The following ANXA4 variants were observed in gnomAD, a reference collection of about 807,000 sequenced individuals.
ANXA4 encodes annexin A4.
Under a neutral mutation model 49.8 loss-of-function variants are expected in ANXA4, and 39 were observed. That is an observed-to-expected ratio of 0.78 (90% CI 0.61 to 1.02). The LOEUF is 1.02. Ranked by LOEUF, ANXA4 falls within the 50% of genes least tolerant of loss-of-function variation. The pLI, the probability that ANXA4 is intolerant of heterozygous loss-of-function variation, is 0.00. For missense variants in ANXA4, 360 were observed against 410.1 expected (o/e 0.88, Z 1.05); for synonymous variants, 134 against 152.5 (o/e 0.88, Z 0.89).
intron 2 of ANXA4, among the ~76,000 whole-genome samples, chr2:69,707,865 C>A (rs1346339760): frequency 6.6e-6 from 1 of 152,184 alleles, no homozygotes; most frequent in Non-Finnish European, 1.5e-5. Context: ...ATCCCCACTA[C>A]CCACAGCCAC....
At chr2:69,820,640 G>C (rs1674195145) in intron 11 of ANXA4, 59 bp from the exon 12 acceptor site, 2 of 1,599,024 alleles carry the variant, frequency 1.3e-6, no homozygotes, top group East Asian at 2.2e-5. Flanking sequence ...ATAGACTAAA[G>C]AAGACACTGA....
At chr2:69,796,276 G>T (rs1362424875) in intron 3 of ANXA4, among the ~76,000 whole-genome samples, 1 of 152,186 alleles carries the variant, frequency 6.6e-6, no homozygotes, top group African/African-American at 2.4e-5. Context: ...GATGCTTCCT[G>T]AGGATCCTGG....
At chr2:69,782,185 A>G (rs1055483229) in intron 2 of ANXA4, among the ~76,000 whole-genome samples, 2 of 152,168 alleles carry the variant, frequency 1.3e-5, no homozygotes, top group African/African-American at 4.8e-5. Context: ...CTCTTGCCCA[A>G]ATACGGTTTC....
intron 2 of ANXA4, among the ~76,000 whole-genome samples, chr2:69,783,242 G>A (rs958493640): frequency 6.6e-6 from 1 of 151,762 alleles, no homozygotes; most frequent in African/African-American, 2.4e-5. Flanking sequence ...TTTTGAGACA[G>A]AGTCTCAATC....
intron 1 of ANXA4, among the ~76,000 whole-genome samples, chr2:69,780,652 G>A (rs1672158269): frequency 6.6e-6 from 1 of 152,184 alleles, no homozygotes; most frequent in Non-Finnish European, 1.5e-5. Context: ...TGAGGCAGGA[G>A]GATCGCTTGA....
At chr2:69,797,847 G>A (rs1366121110) in intron 3 of ANXA4, among the ~76,000 whole-genome samples, 1 of 152,214 alleles carries the variant, frequency 6.6e-6, no homozygotes, top group African/African-American at 2.4e-5. Flanking sequence ...GTAAAAGGGA[G>A]GAGAACTGAA....
chr2:69,651,691 A>T (rs1479427837), intron 1 of ANXA4, among the ~76,000 whole-genome samples: 1 of 151,418 alleles, frequency 6.6e-6, no homozygotes, highest in Non-Finnish European at 1.5e-5. Context: ...TTTAGTAGAG[A>T]CAGCGTTTCA....
At chr2:69,767,308 A>G (rs1671532720) in intron 1 of ANXA4, among the ~76,000 whole-genome samples, 1 of 152,260 alleles carries the variant, frequency 6.6e-6, no homozygotes, top group Non-Finnish European at 1.5e-5. Flanking sequence ...AGATGGGGTC[A>G]TTATATCTAA....
intron 2 of ANXA4, among the ~76,000 whole-genome samples, chr2:69,655,369 A>G (rs1049575571): frequency 6.6e-6 from 1 of 152,250 alleles, no homozygotes; most frequent in African/African-American, 2.4e-5. Context: ...TGAGCAAAGG[A>G]TATGAACAGA....
At chr2:69,707,199 T>C (rs1423940429) in intron 2 of ANXA4, among the ~76,000 whole-genome samples, 1 of 152,198 alleles carries the variant, frequency 6.6e-6, no homozygotes, top group African/African-American at 2.4e-5. Context: ...TCCTTAAATG[T>C]CTGATAGACC....
intron 1 of ANXA4, among the ~76,000 whole-genome samples, chr2:69,747,206 CA>C (rs1230771681): frequency 6.6e-6 from 1 of 152,102 alleles, no homozygotes; most frequent in Non-Finnish European, 1.5e-5. Flanking sequence ...TTTAGGCACT[CA>C]CCTCCCCGCC....
upstream of ANXA4, chr2:69,643,951 G>A (rs1675885756): frequency 9.3e-7 from 1 of 1,070,090 alleles, no homozygotes; most frequent in Non-Finnish European, 1.1e-6. Flanking sequence ...TTCTGGAAAA[G>A]ACTGTTGATA....
At chr2:69,792,751 T>C (rs1460341969) in intron 3 of ANXA4, among the ~76,000 whole-genome samples, 1 of 152,238 alleles carries the variant, frequency 6.6e-6, no homozygotes, top group Non-Finnish European at 1.5e-5. Context: ...TAATTCCATG[T>C]TCAGTAGTTT....
intron 2 of ANXA4, among the ~76,000 whole-genome samples, chr2:69,710,290 C>T (rs1247110239): frequency 6.6e-6 from 1 of 152,088 alleles, no homozygotes; most frequent in Admixed American, 6.6e-5. Context: ...CGGCCCACTT[C>T]CAGGCTTTTT....
chr2:69,668,437 C>A (rs995315670), intron 2 of ANXA4, among the ~76,000 whole-genome samples: 3 of 152,008 alleles, frequency 2.0e-5, no homozygotes, highest in African/African-American at 2.4e-5. Context: ...CATAGTGAGA[C>A]CCTGTCTCTA....
Position 69,759,824 on chromosome 2 carries a change from A to G in ANXA4, c.-47+17649A>G, listed in dbSNP as rs115661087. On this transcript the variant is annotated intron_variant, in intron 1 of 12. Transcript: ENST00000394295. Reference sequence around the variant, plus strand: ...AATAAAGATTAATATTAAAAAGACAATTAGTATTTTGTTTTATCTTTTTTT... The same window carrying G: ...AATAAAGATTAATATTAAAAAGACAGTTAGTATTTTGTTTTATCTTTTTTT... Among the ~76,000 whole-genome samples, 1,074 of 152,244 alleles carry G rather than the reference A, an allele frequency of 7.1e-3. 5 individuals are homozygous for G. Among genetic ancestry groups the G allele is most frequent in the Non-Finnish European group, 0.012 (821 of 68,018 alleles).
intron 2 of ANXA4, among the ~76,000 whole-genome samples, chr2:69,705,947 A>G (rs1477995873): frequency 6.6e-6 from 1 of 152,056 alleles, no homozygotes; most frequent in Non-Finnish European, 1.5e-5. Context: ...ACAAAACAAA[A>G]CAAAGCACAT....
At chr2:69,674,236 T>G (rs952197189) in intron 2 of ANXA4, 2 of 152,224 alleles carry the variant, frequency 1.3e-5, no homozygotes, top group Non-Finnish European at 2.9e-5. Flanking sequence ...CTGGCCCGTT[T>G]GCAGGAAGCT....
chr2:69,751,868 G>A (rs1168713361), intron 1 of ANXA4, among the ~76,000 whole-genome samples: 1 of 152,144 alleles, frequency 6.6e-6, no homozygotes, highest in Non-Finnish European at 1.5e-5. Flanking sequence ...ATGGGCAAAG[G>A]TGCATTTATT....
Sources: allele counts gnomAD v4.1 joint callset (sites outside exome capture counted in the v4.1 genomes callset), GRCh38; gene constraint gnomAD v4.1.1; transcripts MANE v1.5; gene names NCBI Gene and HGNC (gene_info 2026-07-23, HGNC 2026-07-21).